The following SYCP1 variants were observed in gnomAD, a reference collection of about 807,000 sequenced individuals.
SYCP1 encodes synaptonemal complex protein 1.
Under a neutral mutation model 153.1 loss-of-function variants are expected in SYCP1, and 64 were observed. That is an observed-to-expected ratio of 0.42 (90% CI 0.34 to 0.51). The LOEUF (loss-of-function observed/expected upper bound fraction) is 0.51. Ranked by LOEUF, SYCP1 falls within the 20% of genes least tolerant of loss-of-function variation. The probability of loss-of-function intolerance (pLI) is 0.06; values close to 1 mark genes in which losing one functional copy is unlikely to be tolerated. For missense variants in SYCP1, 997 were observed against 1,049.0 expected (o/e 0.95, Z 0.68); for synonymous variants, 384 against 341.8 (o/e 1.12, Z -1.36).
At chr1:114,871,985 CTCTTT>C (rs929925568) in intron 8 of SYCP1, among the ~76,000 whole-genome samples, 1 of 149,814 alleles carries the variant, frequency 6.7e-6, no homozygotes, top group African/African-American at 2.4e-5. Context: ...TGCGTTGATG[CTCTTT>C]TTTTTCTTTC....
Position 114,857,472 on chromosome 1 carries a change from A to G in SYCP1, c.266A>G (p.Glu89Gly). Residue 89 changes from glutamate (E) to glycine (G), a missense_variant, in exon 5 of 32, where the codon GAA (glutamate) becomes GGA (glycine). Glu to Gly is a moderately conservative substitution (Grantham distance 98, BLOSUM62 -2). This residue lies in a region of SYCP1 where 285 missense variants were observed against 366.1 expected (regional missense o/e 0.78). Transcript: ENST00000369522. ...QVGNSDCHYQ[E>G]GLKDSDLENS... ...GGTAATTCTGACTGTCACTATCAGG[A>G]AGGACTAAAAGACTCTGATTTGGAG... 1 of 1,600,262 alleles carries G rather than the reference A, an allele frequency of 6.2e-7. No homozygotes were observed. Among genetic ancestry groups the G allele is most frequent in the Non-Finnish European group, 8.5e-7 (1 of 1,173,222 alleles).
intron 23 of SYCP1, among the ~76,000 whole-genome samples, chr1:114,930,906 TAAA>T (rs767185726): frequency 6.6e-6 from 1 of 151,870 alleles, no homozygotes; most frequent in Admixed American, 6.6e-5. Flanking sequence ...TAATACATGA[TAAA>T]AACCATATTA....
intron 23 of SYCP1, among the ~76,000 whole-genome samples, chr1:114,934,622 A>G (rs997862285): frequency 6.6e-6 from 1 of 152,238 alleles, no homozygotes; most frequent in Non-Finnish European, 1.5e-5. Flanking sequence ...GGCAAATTGG[A>G]TAAAGAGTCA....
rs1335298478 is a variant in SYCP1 at position 114,926,515 on chromosome 1, A to G, written c.1878A>G (p.Lys626=). 2 of 1,592,420 alleles carry G rather than the reference A, an allele frequency of 1.3e-6. No individual in the cohort carries two copies. Among genetic ancestry groups the G allele is most frequent in the Admixed American group, 1.7e-5 (1 of 57,802 alleles). ...EELQQENKAL[K]KKGTAESKQL... is the part of the protein sequence containing the mutation. ...AATTTTAACAGAATAAGGCCTTGAA[A>G]AAAAAAGGTACAGCAGAAAGCAAGC... The change falls in exon 23 of 32, where the codon AAA becomes AAG. Residue 626 remains lysine, a synonymous_variant. Coordinates refer to ENST00000369522, the MANE Select transcript of SYCP1 (RefSeq NM_003176.4).
At chr1:114,859,156 C>T (rs1351926688) in intron 6 of SYCP1, among the ~76,000 whole-genome samples, 3 of 152,220 alleles carry the variant, frequency 2.0e-5, no homozygotes, top group Admixed American at 6.5e-5. Context: ...GGCACCATCT[C>T]GGCTCACTGC....
At chr1:114,879,821 A>AT (rs1665794787) in intron 12 of SYCP1, among the ~76,000 whole-genome samples, 3 of 151,980 alleles carry the variant, frequency 2.0e-5, no homozygotes, top group African/African-American at 7.3e-5. Context: ...CAGTGTGGAT[A>AT]TTTTTTACTG....
chr1:114,856,937 A>AAAAC (rs1663997657), intron 3 of SYCP1, among the ~76,000 whole-genome samples: 2 of 146,942 alleles, frequency 1.4e-5, no homozygotes, highest in Non-Finnish European at 3.0e-5. Flanking sequence ...AAAAAAAAAA[A>AAAAC]AAAAAAAACC....
At chr1:114,893,822 A>G (rs1047459932) in intron 15 of SYCP1, among the ~76,000 whole-genome samples, 1 of 152,128 alleles carries the variant, frequency 6.6e-6, no homozygotes, top group Non-Finnish European at 1.5e-5. Flanking sequence ...TATCTTGCTT[A>G]AGAATAATAA....
intron 27 of SYCP1, among the ~76,000 whole-genome samples, chr1:114,967,818 A>G (rs1672232071): frequency 6.6e-6 from 1 of 152,156 alleles, no homozygotes; most frequent in Non-Finnish European, 1.5e-5. Context: ...AGTGGCTGGT[A>G]CCAGTTTTTC....
chr1:114,988,172 T>C (rs933326104), intron 30 of SYCP1, among the ~76,000 whole-genome samples: 1 of 148,418 alleles, frequency 6.7e-6, no homozygotes, highest in Admixed American at 6.7e-5. Context: ...AATATATACA[T>C]TGTAGGAATT....
At chr1:114,915,701 C>A (rs1173209039) in intron 20 of SYCP1, among the ~76,000 whole-genome samples, 1 of 152,192 alleles carries the variant, frequency 6.6e-6, no homozygotes, top group Non-Finnish European at 1.5e-5. Context: ...CTTCCACTAT[C>A]TGCCAAATTT....
chr1:114,878,051 A>G (rs1205506169), intron 11 of SYCP1, 43 bp from the exon 12 acceptor site: 2 of 1,130,116 alleles, frequency 1.8e-6, no homozygotes, highest in East Asian at 5.3e-5. Flanking sequence ...AAGGTGTCAT[A>G]TTTAAATTTT....
intron 20 of SYCP1, among the ~76,000 whole-genome samples, chr1:114,920,659 G>C (rs1668806460): frequency 6.6e-6 from 1 of 152,072 alleles, no homozygotes; most frequent in Non-Finnish European, 1.5e-5. Context: ...GTGTGCTCCA[G>C]TGTTGGGTGC....
intron 8 of SYCP1, among the ~76,000 whole-genome samples, chr1:114,864,261 T>C (rs1190935433): frequency 6.6e-6 from 1 of 152,124 alleles, no homozygotes; most frequent in Non-Finnish European, 1.5e-5. Context: ...GGAAGTTTTT[T>C]CTGGTTAAGT....
chr1:114,895,348 T>C, intron 15 of SYCP1, 100 bp from the exon 16 acceptor site: 1 of 628,662 alleles, frequency 1.6e-6, no homozygotes, highest in Non-Finnish European at 2.5e-6. Context: ...TTGTCTCTCC[T>C]GATTTTTCCC....
Position 114,910,483 on chromosome 1 carries a change from T to C in SYCP1, c.1407T>C (p.Gly469=). The change falls in exon 17 of 32, where the codon GGT becomes GGC. Residue 469 remains glycine, a synonymous_variant. Transcript: ENST00000369522. Reference sequence around the variant, plus strand: ...AAGGAACAGAACAAGAACTAATTGGTCTTCTCCAAGCCAGAGAGGTTTGTT... The same window carrying C: ...AAGGAACAGAACAAGAACTAATTGGCCTTCTCCAAGCCAGAGAGGTTTGTT... ...ELKGTEQELI[G]LLQAREKEVH... The C allele has an allele frequency of 6.3e-7, 1 of 1,587,136 alleles. No homozygotes were observed. Among genetic ancestry groups the C allele is most frequent in the Non-Finnish European group, 8.6e-7 (1 of 1,168,822 alleles).
In SYCP1 at chr1:114,914,985, A is replaced by G; in HGVS notation, c.1718+940A>G. ...GACACAGGATTTTTTCACGAGAGGCAACCTGGGCTTTGCAGTTAATCAGAA... is the reference window on the plus strand; with the variant it reads ...GACACAGGATTTTTTCACGAGAGGCGACCTGGGCTTTGCAGTTAATCAGAA... On this transcript the variant is annotated intron_variant, in intron 20 of 31. Coordinates refer to ENST00000369522, the MANE Select transcript of SYCP1 (RefSeq NM_003176.4). Among the ~76,000 whole-genome samples, 2 of 152,240 alleles carry G rather than the reference A, an allele frequency of 1.3e-5. 1 individual carries two copies.
At chr1:114,854,632 G>C (rs1338122154), upstream of SYCP1, among the ~76,000 whole-genome samples, 1 of 152,116 alleles carries the variant, frequency 6.6e-6, no homozygotes. Flanking sequence ...TGACCTCTTG[G>C]AGGGCAGAAA....
intron 20 of SYCP1, among the ~76,000 whole-genome samples, chr1:114,922,467 G>A (rs1354750786): frequency 6.6e-6 from 1 of 152,088 alleles, no homozygotes; most frequent in Non-Finnish European, 1.5e-5. Flanking sequence ...TTTACTCATG[G>A]TAGAAAGCAA....
Sources: gnomAD v4.1 joint callset for allele counts (sites outside exome capture counted in the v4.1 genomes callset) on GRCh38, gnomAD v4.1.1 for gene constraint, gnomAD v4.1.1 regional missense constraint, MANE v1.5 for transcripts, NCBI Gene and HGNC (gene_info 2026-07-23, HGNC 2026-07-21) for gene names.